Variants in RALGAPA1 observed in about 807,000 individuals in gnomAD.
RALGAPA1 encodes the protein ral GTPase-activating protein subunit alpha-1.
Under a neutral mutation model 269.6 loss-of-function variants are expected in RALGAPA1, and 52 were observed. That is an observed-to-expected ratio of 0.19 (90% confidence interval 0.15 to 0.24). The LOEUF is 0.24. RALGAPA1 is among the 10% of genes least tolerant of loss of function. The pLI, the probability that RALGAPA1 is intolerant of heterozygous loss-of-function variation, is 1.00. For missense variants in RALGAPA1, 1,917 were observed against 3,013.9 expected, an observed-to-expected ratio of 0.64 and a Z score of 8.52; for synonymous variants, 817 against 1,008.3, an observed-to-expected ratio of 0.81 and a Z score of 3.60.
rs117590593 is a variant in RALGAPA1 at position 35,623,951 on chromosome 14, C to T, written c.6929+1410G>A. Among the ~76,000 whole-genome samples, 1,100 of 151,820 alleles carry T rather than the reference C, an allele frequency of 7.2e-3. 8 individuals carry two copies. Among genetic ancestry groups the T allele is most frequent in the Middle Eastern group, 0.014 (4 of 294 alleles). ...AAACAAAATTAGCTGGGCGTGGTGGCGGGCAAGTGCCTGTAGTCCCAGCTA... is the reference window on the plus strand; with the variant it reads ...AAACAAAATTAGCTGGGCGTGGTGGTGGGCAAGTGCCTGTAGTCCCAGCTA... On this transcript the variant is annotated intron_variant, in intron 35 of 41. Coordinates refer to ENST00000680220, the MANE Select transcript of RALGAPA1 (RefSeq NM_001346249.2).
intron 37 of RALGAPA1, among the ~76,000 whole-genome samples, chr14:35,590,643 G>A (rs987790351): frequency 4.6e-5 from 7 of 152,284 alleles, no homozygotes; most frequent in African/African-American, 1.4e-4. Flanking sequence ...CAGCCATATG[G>A]AACTGTGAGT....
At chr14:35,766,615 A>C in intron 4 of RALGAPA1, 1 of 738,916 alleles carries the variant, frequency 1.4e-6, no homozygotes, top group Non-Finnish European at 2.5e-6. Flanking sequence ...GAAGCCATGT[A>C]TGCTGCAACC....
At chr14:35,732,354 C>T (rs567422504) in intron 12 of RALGAPA1, among the ~76,000 whole-genome samples, 1 of 149,950 alleles carries the variant, frequency 6.7e-6, no homozygotes, top group African/African-American at 2.4e-5. Flanking sequence ...AAAAAAAAAA[C>T]CAAGGTACAC....
chr14:35,765,021 T>C (rs2074031455), intron 4 of RALGAPA1, among the ~76,000 whole-genome samples: 1 of 152,206 alleles, frequency 6.6e-6, no homozygotes, highest in Non-Finnish European at 1.5e-5. Flanking sequence ...ATTATTTCCT[T>C]GTGGGTGGAA....
At chr14:35,622,410 T>C (rs2060691499) in intron 35 of RALGAPA1, among the ~76,000 whole-genome samples, 1 of 152,158 alleles carries the variant, frequency 6.6e-6, no homozygotes, top group Non-Finnish European at 1.5e-5. Flanking sequence ...AAATACCTAA[T>C]GTAAATGATG....
At chr14:35,720,166 A>C (rs2069260835) in intron 16 of RALGAPA1, among the ~76,000 whole-genome samples, 1 of 152,118 alleles carries the variant, frequency 6.6e-6, no homozygotes, top group Non-Finnish European at 1.5e-5. Context: ...TTTATAGTAA[A>C]ATTCCCATTA....
At chr14:35,669,949 T>G (rs1456168257) in intron 26 of RALGAPA1, among the ~76,000 whole-genome samples, 4 of 152,138 alleles carry the variant, frequency 2.6e-5, no homozygotes, top group Admixed American at 2.0e-4. Flanking sequence ...TGACCAAGCA[T>G]GGTGCTATGC....
chr14:35,775,006 C>A lies in RALGAPA1; in HGVS notation c.267G>T (p.Glu89Asp). The change falls in exon 3 of 42, where the codon GAG becomes GAT. Residue 89 changes from glutamate to aspartate, a missense_variant and splice_region_variant. Transcript: ENST00000680220. ...AAAAGTTAGGTTCAGAAGCACTTAC[C>A]TCAAAAATAAAAAGTATAGCATCCA... The part of the protein sequence containing the change: ...EELDAILFIF[E>D]KILQLLPERI... The A allele has an allele frequency of 6.4e-7, 1 of 1,564,402 alleles. No individual in the cohort carries two copies. The highest frequency in any genetic ancestry group is 8.7e-7 in the Non-Finnish European group (1 of 1,145,640).
intron 37 of RALGAPA1, among the ~76,000 whole-genome samples, chr14:35,579,835 C>T (rs1024574242): frequency 6.6e-5 from 10 of 152,082 alleles, no homozygotes; most frequent in African/African-American, 2.4e-4. Flanking sequence ...AGTATAATTT[C>T]ACAGCACTTA....
At position 35,713,651 on chromosome 14, in the gene RALGAPA1, C is replaced by T. The variant is rs532935275; in HGVS notation, c.2266+8037G>A. On this transcript the variant is annotated intron_variant, in intron 16 of 41. Transcript: ENST00000680220. Reference sequence around the variant, plus strand: ...AGTGAGAAATTATACCAGAAAAATCCATTAAAATAAATCAGATTGGTCCCA... The same window carrying T: ...AGTGAGAAATTATACCAGAAAAATCTATTAAAATAAATCAGATTGGTCCCA... 1.6e-4 allele frequency among the ~76,000 whole-genome samples: 24 copies of T among 152,064 alleles called. No homozygotes were observed. In the South Asian group the frequency reaches 5.0e-3, roughly 32 times the overall value.
chr14:35,758,243 C>CAAAAAAAAAAAAAAAAAAAAAAAAAAAAA (rs66473514), intron 6 of RALGAPA1, among the ~76,000 whole-genome samples: 1 of 49,748 alleles, frequency 2.0e-5, no homozygotes, highest in East Asian at 5.1e-4. Context: ...GACTCTGTCT[C>CAAAAAAAAAAAAAAAAAAAAAAAAAAAAA]AAAAAAAAAA....
chr14:35,573,661 A>G (rs2057371471), intron 37 of RALGAPA1, among the ~76,000 whole-genome samples: 1 of 152,204 alleles, frequency 6.6e-6, no homozygotes, highest in Admixed American at 6.5e-5. Flanking sequence ...TTAAACAAAG[A>G]AAGGAGTTAA....
At chr14:35,541,909 A>T in intron 41 of RALGAPA1, 1 of 603,262 alleles carries the variant, frequency 1.7e-6, no homozygotes, top group Non-Finnish European at 2.8e-6. Flanking sequence ...CTAGGTGTTA[A>T]CTGAGGAGCA....
intron 37 of RALGAPA1, among the ~76,000 whole-genome samples, chr14:35,587,549 A>G (rs1258905336): frequency 6.6e-6 from 1 of 152,196 alleles, no homozygotes. Context: ...ATAAAAAAGG[A>G]TGAGTTCATG....
Position 35,730,962 on chromosome 14 carries a change from A to G in RALGAPA1, c.1588-2452T>C, listed in dbSNP as rs141782068. Among the ~76,000 whole-genome samples the G allele has an allele frequency of 5.2e-3, 787 of 152,372 alleles. 3 individuals carry two copies. Among genetic ancestry groups the G allele is most frequent in the African/African-American group, 0.018 (752 of 41,592 alleles). ...ACAGAGAATTAAACCACCAAAGCTA[A>G]GAAACCTCACAGACTTCATTTCACC... On this transcript the variant is annotated intron_variant, in intron 12 of 41. Coordinates refer to ENST00000680220, the MANE Select transcript of RALGAPA1 (RefSeq NM_001346249.2).
chr14:35,742,827 C>G (rs1173729370), intron 10 of RALGAPA1, among the ~76,000 whole-genome samples: 1 of 149,470 alleles, frequency 6.7e-6, no homozygotes, highest in South Asian at 2.1e-4. Flanking sequence ...ATATTAAACA[C>G]TGAAATAAAT....
intron 37 of RALGAPA1, among the ~76,000 whole-genome samples, chr14:35,591,999 TG>T (rs1190971359): frequency 1.3e-5 from 2 of 152,222 alleles, no homozygotes; most frequent in African/African-American, 4.8e-5. Flanking sequence ...TTGCCACGAT[TG>T]TAAGTTTCCT....
At chr14:35,583,774 T>C (rs1259741323) in intron 37 of RALGAPA1, among the ~76,000 whole-genome samples, 3 of 152,170 alleles carry the variant, frequency 2.0e-5, no homozygotes, top group East Asian at 3.9e-4. Flanking sequence ...AGAAATTACA[T>C]AAGCAAGAAG....
At chr14:35,804,959 G>C (rs2077252305) in intron 1 of RALGAPA1, among the ~76,000 whole-genome samples, 1 of 151,714 alleles carries the variant, frequency 6.6e-6, no homozygotes. Flanking sequence ...TAACATACCA[G>C]GATACAGATT....
Sources: gnomAD v4.1 joint callset for allele counts (sites outside exome capture counted in the v4.1 genomes callset) on GRCh38, gnomAD v4.1.1 for gene constraint, MANE v1.5 for transcripts, NCBI Gene and HGNC (gene_info 2026-07-23, HGNC 2026-07-21) for gene names.